RABGAP1L: variants seen among roughly 807,000 people sequenced by gnomAD.
RABGAP1L encodes RAB GTPase activating protein 1 like, also known as rab GTPase-activating protein 1-like.
Under a neutral mutation model 137.7 loss-of-function variants are expected in RABGAP1L, and 63 were observed. The ratio of observed to expected loss-of-function variants is 0.46; its 90% CI spans 0.37 to 0.56. The LOEUF (loss-of-function observed/expected upper bound fraction) is 0.56, where lower values mean the gene tolerates loss of function less well. RABGAP1L is among the 20% of genes least tolerant of loss of function. The probability of loss-of-function intolerance (pLI) is 0.00; values close to 1 mark genes in which losing one functional copy is unlikely to be tolerated. For synonymous variants in RABGAP1L, 431 were observed against 433.7 expected (o/e 0.99, Z 0.08); for missense variants, 1,095 against 1,244.0 (o/e 0.88, Z 1.80).
chr1:174,872,376 A>G (rs926345535), intron 19 of RABGAP1L, among the ~76,000 whole-genome samples: 12 of 152,126 alleles, frequency 7.9e-5, no homozygotes, highest in African/African-American at 2.9e-4. Flanking sequence ...ATTCTGAAAT[A>G]CAAATTCTGA....
chr1:174,477,879 A>C (rs1219246354), intron 13 of RABGAP1L, among the ~76,000 whole-genome samples: 3 of 152,154 alleles, frequency 2.0e-5, no homozygotes, highest in African/African-American at 7.2e-5. Flanking sequence ...TCAGTCATTT[A>C]GAGATTTTTT....
At chr1:174,863,545 C>T (rs1249997299) in intron 19 of RABGAP1L, among the ~76,000 whole-genome samples, 2 of 151,256 alleles carry the variant, frequency 1.3e-5, no homozygotes, top group Admixed American at 1.3e-4. Context: ...TGGTGGCGGA[C>T]GCCTGTAGTC....
chr1:174,560,689 G>A (rs868319636), intron 13 of RABGAP1L, among the ~76,000 whole-genome samples: 46 of 152,266 alleles, frequency 3.0e-4, no homozygotes, highest in African/African-American at 1.1e-3. Flanking sequence ...TACCCAATAA[G>A]TAGTTTTTTG....
intron 1 of RABGAP1L, among the ~76,000 whole-genome samples, chr1:174,206,896 G>GA (rs1668540884): frequency 6.9e-6 from 1 of 144,254 alleles, no homozygotes; most frequent in Admixed American, 6.8e-5. Context: ...TGGCATTAAA[G>GA]TAAGAATTAT....
At chr1:174,808,022 AGGCTGGAGTGCAGTGCAGT>A (rs1230667125) in intron 18 of RABGAP1L, among the ~76,000 whole-genome samples, 1 of 141,580 alleles carries the variant, frequency 7.1e-6, no homozygotes, top group Non-Finnish European at 1.5e-5. Context: ...TGTATTGCCC[AGGCTGGAGTGCAGTGCAGT>A]GGCGCGATCT....
chr1:174,906,104 G>A (rs1390958641), intron 19 of RABGAP1L, among the ~76,000 whole-genome samples: 2 of 152,012 alleles, frequency 1.3e-5, no homozygotes, highest in African/African-American at 4.8e-5. Flanking sequence ...TGCAACCTCT[G>A]CCTCCCAGGT....
rs926683912 is a variant in RABGAP1L at position 174,912,963 on chromosome 1, C to T, written c.2341-44494C>T. On this transcript the variant is annotated intron_variant, in intron 19 of 25. Transcript: ENST00000681986. Reference sequence around the variant, plus strand: ...GATATCCAGCATAGTTTACTGTCTACATGCTTATTTCTTTAGCTTTTTTTT... The same window carrying T: ...GATATCCAGCATAGTTTACTGTCTATATGCTTATTTCTTTAGCTTTTTTTT... Among the ~76,000 whole-genome samples the T allele has an allele frequency of 2.6e-5, 4 of 151,770 alleles. No individual in the cohort carries two copies. The South Asian group carries it at 6.2e-4, about 24-fold the overall frequency.
intron 19 of RABGAP1L, among the ~76,000 whole-genome samples, chr1:174,936,462 G>A (rs548695513): frequency 1.4e-4 from 22 of 152,158 alleles, no homozygotes; most frequent in African/African-American, 4.8e-4. Context: ...AATTAGCTTG[G>A]TATGGTGGCA....
At chr1:174,968,672 T>A (rs1449607599) in intron 20 of RABGAP1L, among the ~76,000 whole-genome samples, 1 of 152,174 alleles carries the variant, frequency 6.6e-6, no homozygotes, top group East Asian at 1.9e-4. Flanking sequence ...AAACTAGATA[T>A]CTTATGACTG....
At chr1:174,501,726 TTA>T (rs1457412114) in intron 13 of RABGAP1L, among the ~76,000 whole-genome samples, 2 of 152,202 alleles carry the variant, frequency 1.3e-5, no homozygotes, top group Non-Finnish European at 2.9e-5. Context: ...TATCTTTTTA[TTA>T]ACATTTTTTT....
chr1:174,461,007 C>T (rs1249877251), intron 13 of RABGAP1L, among the ~76,000 whole-genome samples: 1 of 152,154 alleles, frequency 6.6e-6, no homozygotes, highest in Non-Finnish European at 1.5e-5. Flanking sequence ...TTACTCTGTG[C>T]TACTGCTGCT....
intron 10 of RABGAP1L, among the ~76,000 whole-genome samples, chr1:174,286,699 T>A (rs1676083847): frequency 6.6e-6 from 1 of 152,130 alleles, no homozygotes; most frequent in South Asian, 2.1e-4. Context: ...ATATAAACTT[T>A]CCCACTTAGA....
chr1:174,217,246 T>C (rs772607766), intron 1 of RABGAP1L, among the ~76,000 whole-genome samples: 11 of 152,258 alleles, frequency 7.2e-5, no homozygotes, highest in Non-Finnish European at 1.5e-4. Flanking sequence ...CATTAGGAAT[T>C]CCATTTTGGT....
At chr1:174,572,098 C>T (rs920369489) in intron 13 of RABGAP1L, among the ~76,000 whole-genome samples, 1 of 152,132 alleles carries the variant, frequency 6.6e-6, no homozygotes, top group African/African-American at 2.4e-5. Context: ...AACTGAAATG[C>T]AGGGGATTTA....
chr1:174,885,519 GGCTAATTTTTTA>G (rs147719097), intron 19 of RABGAP1L, among the ~76,000 whole-genome samples: 11,674 of 152,128 alleles, frequency 0.077, 630 homozygotes, highest in East Asian at 0.32. Flanking sequence ...CACCGTGCCT[GGCTAATTTTTTA>G]TTTTTGTAGA....
In RABGAP1L at chr1:174,489,695, T is replaced by C. The variant is rs371593514; in HGVS notation, c.1710+95550T>C. Among the ~76,000 whole-genome samples the C allele has an allele frequency of 1.3e-3, 199 of 152,240 alleles. 3 individuals are homozygous for C. The highest frequency in any genetic ancestry group is 3.7e-3 in the East Asian group (19 of 5,176). On this transcript the variant is annotated intron_variant, in intron 13 of 25. Coordinates refer to ENST00000681986, the MANE Select transcript of RABGAP1L (RefSeq NM_001366446.1). ...CATTACTGGGTATATACCCAAAGGA[T>C]TATAAATCATGCTGCTATCAAGACA...
chr1:174,202,174 G>A (rs1171843566), intron 1 of RABGAP1L, among the ~76,000 whole-genome samples: 2 of 151,946 alleles, frequency 1.3e-5, no homozygotes. Flanking sequence ...CCAGTAATGG[G>A]ATGGCTGGGT....
At chr1:174,427,013 G>GA (rs1652032924) in intron 13 of RABGAP1L, among the ~76,000 whole-genome samples, 3 of 152,032 alleles carry the variant, frequency 2.0e-5, no homozygotes, top group Non-Finnish European at 4.4e-5. Flanking sequence ...GGTCATCACT[G>GA]AAAAAATCTA....
chr1:174,213,947 C>T (rs1669094559), intron 1 of RABGAP1L, among the ~76,000 whole-genome samples: 1 of 152,184 alleles, frequency 6.6e-6, no homozygotes, highest in South Asian at 2.1e-4. Flanking sequence ...AGGATGCATA[C>T]TTTCACTGCT....
Sources: gnomAD v4.1 joint callset for allele counts (sites outside exome capture counted in the v4.1 genomes callset) on GRCh38, gnomAD v4.1.1 for gene constraint, MANE v1.5 for transcripts, NCBI Gene and HGNC (gene_info 2026-07-23, HGNC 2026-07-21) for gene names.